RUBCNL: variants seen among roughly 807,000 people sequenced by gnomAD.
RUBCNL encodes rubicon like autophagy enhancer.
RUBCNL carries 62 observed loss-of-function variants against 69.5 expected under a neutral mutation model. That is an observed-to-expected ratio of 0.89 (90% CI 0.73 to 1.10). RUBCNL has a LOEUF of 1.10. Ranked by LOEUF, RUBCNL falls within the 50% of genes least tolerant of loss-of-function variation. RUBCNL has a pLI of 0.00. For synonymous variants in RUBCNL, 291 were observed against 303.6 expected (o/e 0.96, Z 0.43); for missense variants, 768 against 798.1 (o/e 0.96, Z 0.45).
chr13:46,343,577 G>T, intron 14 of RUBCNL, 80 bp from the exon 15 acceptor site: 1 of 1,388,968 alleles, frequency 7.2e-7, no homozygotes, highest in Non-Finnish European at 9.9e-7. Context: ...CTCCATCCTA[G>T]GGAGGGAGAG....
chr13:46,386,268 TC>T (rs1246679439), intron 1 of RUBCNL, among the ~76,000 whole-genome samples: 1 of 152,044 alleles, frequency 6.6e-6, no homozygotes, highest in Non-Finnish European at 1.5e-5. Context: ...TGCCAAGATC[TC>T]CCCGCTACTT....
At position 46,385,183 on chromosome 13, in the gene RUBCNL, G is replaced by C. The variant is rs944954551; in HGVS notation, c.-239+1951C>G. ...GGTACACAATGTCCTATGAAGGTTA[G>C]CTTTATTATCACCATCATTATTATT... is the stretch of plus-strand genomic sequence containing the variant. On this transcript the variant is annotated intron_variant, in intron 1 of 14. Transcript: ENST00000429979. 6.6e-5 allele frequency: 41 copies of C among 622,004 alleles called. No homozygotes were observed. In the African/African-American group the frequency reaches 7.6e-4, roughly 11 times the overall value. 38.5% of individuals were successfully genotyped at this position (622,004 alleles called of 1,614,324 possible). A position where few individuals can be genotyped will look rare whatever the true frequency, so the allele number is the denominator to read the frequency against.
chr13:46,373,946 T>C (rs1043328777), intron 2 of RUBCNL, among the ~76,000 whole-genome samples: 2 of 152,374 alleles, frequency 1.3e-5, no homozygotes, highest in Middle Eastern at 3.4e-3. Context: ...CCTCTTCCAA[T>C]TGCCCAAGCC....
At chr13:46,386,370 C>T (rs1044070840) in intron 1 of RUBCNL, among the ~76,000 whole-genome samples, 2 of 152,180 alleles carry the variant, frequency 1.3e-5, no homozygotes, top group Admixed American at 6.5e-5. Context: ...AAAGATCCTT[C>T]CAAATTCCAC....
chr13:46,358,067 G>T (rs142399752), intron 9 of RUBCNL, among the ~76,000 whole-genome samples: 59 of 152,290 alleles, frequency 3.9e-4, no homozygotes, highest in African/African-American at 1.4e-3. Context: ...TCTCTGCCCA[G>T]GTGCCATAGT....
intron 11 of RUBCNL, among the ~76,000 whole-genome samples, chr13:46,349,714 T>C (rs932396609): frequency 1.3e-5 from 2 of 151,808 alleles, no homozygotes; most frequent in Non-Finnish European, 2.9e-5. Context: ...TCTTGCTCTG[T>C]CACCCAGGCT....
At chr13:46,371,156 A>G (rs2048867106) in intron 3 of RUBCNL, among the ~76,000 whole-genome samples, 1 of 152,226 alleles carries the variant, frequency 6.6e-6, no homozygotes. Flanking sequence ...ATACAGAGAA[A>G]TAGACAGGCA....
At chr13:46,356,401 C>CAT (rs771619420) in intron 10 of RUBCNL, 31 bp downstream of exon 10, 23 of 1,608,252 alleles carry the variant, frequency 1.4e-5, no homozygotes, top group Middle Eastern at 3.3e-4. Context: ...GTCATCACAT[C>CAT]ATAAGCAGGC....
intron 6 of RUBCNL, among the ~76,000 whole-genome samples, 186 bp downstream of exon 6, chr13:46,362,929 T>C (rs1166436638): frequency 2.0e-5 from 1 of 50,902 alleles, no homozygotes; most frequent in African/African-American, 2.4e-4. Flanking sequence ...ACATCATATA[T>C]ATATATATAG....
intron 1 of RUBCNL, among the ~76,000 whole-genome samples, chr13:46,383,500 G>A (rs994122262): frequency 6.6e-6 from 1 of 152,026 alleles, no homozygotes; most frequent in African/African-American, 2.4e-5. Flanking sequence ...TTTGTGCCTG[G>A]CACAGTTCCA....
intron 6 of RUBCNL, among the ~76,000 whole-genome samples, 193 bp downstream of exon 6, chr13:46,362,922 T>TCATATA (rs2048648333): frequency 1.7e-5 from 1 of 58,792 alleles, no homozygotes; most frequent in South Asian, 5.3e-4. Context: ...AACAAGAACA[T>TCATATA]CATATATATA....
intron 10 of RUBCNL, among the ~76,000 whole-genome samples, chr13:46,351,374 G>A (rs946016561): frequency 1.3e-5 from 2 of 152,224 alleles, no homozygotes; most frequent in Non-Finnish European, 2.9e-5. Flanking sequence ...AACTGGTGCA[G>A]TATCTAGAGG....
rs1594123046 is a variant in RUBCNL, at chr13:46,340,062, A to G, written c.*3323T>C. 6.6e-6 allele frequency among the ~76,000 whole-genome samples: 1 copy of G among 151,816 alleles called. No individual in the cohort carries two copies. The highest frequency in any genetic ancestry group is 1.9e-4 in the East Asian group (1 of 5,152). On this transcript the variant is annotated 3_prime_UTR_variant, in exon 15 of 15. Transcript: ENST00000429979. ...TTGGTGCTCCTTGGCTTGTAGATGC[A>G]TCACCCCAACCTCTGCTTTTTTTCT...
rs538954454 is a variant in RUBCNL at position 46,349,315 on chromosome 13, C to T, written c.1602G>A (p.Lys534=). ...EIQEQLFHIK[K]LLKTCRFANS... is the part of the protein sequence containing the mutation. The stretch of plus-strand genomic sequence containing the variant: ...TAGCAAACCTACAGGTCTTCAACAG[C>T]TTCTTGATATGGAAGAGCTGCTCCT... The change falls in exon 12 of 15, where the codon AAG becomes AAA. Residue 534 remains lysine, a synonymous_variant. Coordinates refer to ENST00000429979, the MANE Select transcript of RUBCNL (RefSeq NM_025113.5). The T allele has an allele frequency of 1.2e-6, 2 of 1,613,672 alleles. No homozygotes were observed. Among genetic ancestry groups the T allele is most frequent in the Non-Finnish European group, 1.7e-6 (2 of 1,179,764 alleles).
rs750558267 is a variant in RUBCNL at position 46,377,989 on chromosome 13, C to T, written c.-222G>A. On this transcript the variant is annotated 5_prime_UTR_variant, in exon 2 of 15. Transcript: ENST00000429979. ...GCAGTAGTGACAGGAGGTCAATATC[C>T]CCATTTTTTATTTTATCTGTAAGGC... is the stretch of plus-strand genomic sequence containing the variant. 6.4e-7 allele frequency: 1 copy of T among 1,563,388 alleles called. No homozygotes were observed. Among genetic ancestry groups the T allele is most frequent in the Non-Finnish European group, 8.6e-7 (1 of 1,157,958 alleles).
rs555461800 is a variant in RUBCNL at position 46,335,367 on chromosome 13, G to A, written c.*8018C>T. On this transcript the variant is annotated 3_prime_UTR_variant, in exon 15 of 15. Coordinates refer to ENST00000429979, the MANE Select transcript of RUBCNL (RefSeq NM_025113.5). Reference sequence around the variant, plus strand: ...CATCCTCCTGCATTGGCCTCCCAAAGTGCTGGGATTACAGACACGAGCCAG... The same window carrying A: ...CATCCTCCTGCATTGGCCTCCCAAAATGCTGGGATTACAGACACGAGCCAG... Among the ~76,000 whole-genome samples the A allele has an allele frequency of 4.0e-5, 6 of 148,166 alleles. No individual in the cohort carries two copies. Among genetic ancestry groups the A allele is most frequent in the African/African-American group, 1.5e-4 (6 of 39,808 alleles).
upstream of RUBCNL, chr13:46,387,254 G>A (rs1018357073): frequency 2.5e-5 from 25 of 985,294 alleles, no homozygotes; most frequent in Non-Finnish European, 2.9e-5. Context: ...AGAAAGGGGA[G>A]GGAGGAGAGC....
chr13:46,364,222 C>A (rs1033750290), intron 5 of RUBCNL, among the ~76,000 whole-genome samples: 3 of 151,864 alleles, frequency 2.0e-5, no homozygotes, highest in African/African-American at 7.3e-5. Context: ...GGTGAAACCC[C>A]ATCTCTACTA....
Position 46,362,578 on chromosome 13 carries a change from TATC to T in RUBCNL, c.943_945del (p.Asp315del), listed in dbSNP as rs1424248163. On this transcript the variant is annotated inframe_deletion, in exon 7 of 15. Transcript: ENST00000429979. Reference sequence around the variant, plus strand: ...CAGGAACAGCTACAGGTTTCTGTGATATCATTAAAATCTCCAAGCTCTGTGGGA... The same window carrying T: ...CAGGAACAGCTACAGGTTTCTGTGATATTAAAATCTCCAAGCTCTGTGGGA... 1.2e-6 allele frequency: 2 copies of T among 1,609,260 alleles called. No individual in the cohort carries two copies. The highest frequency in any genetic ancestry group is 4.5e-5 in the East Asian group (2 of 44,802).
Sources: gnomAD v4.1 joint callset for allele counts (sites outside exome capture counted in the v4.1 genomes callset) on GRCh38, gnomAD v4.1.1 for gene constraint, MANE v1.5 for transcripts, NCBI Gene and HGNC (gene_info 2026-07-23, HGNC 2026-07-21) for gene names.